The following FRK variants were observed in gnomAD, a reference collection of about 807,000 sequenced individuals.
FRK encodes tyrosine-protein kinase FRK.
FRK carries 51 observed loss-of-function variants against 56.4 expected under a neutral mutation model. That is an observed-to-expected ratio of 0.90 (90% CI 0.72 to 1.14). FRK has a LOEUF of 1.14. Among genes scored for constraint, FRK ranks in the 50% most tolerant of loss-of-function variants. The pLI is 0.00. For missense variants in FRK, 570 were observed against 601.4 expected (o/e 0.95, Z 0.55); for synonymous variants, 245 against 217.9 (o/e 1.12, Z -1.10).
intron 1 of FRK, among the ~76,000 whole-genome samples, chr6:116,041,466 C>T (rs938742058): frequency 1.3e-5 from 2 of 152,168 alleles, no homozygotes; most frequent in Non-Finnish European, 1.5e-5. Flanking sequence ...CGCAAGATGG[C>T]TGAATAGGAA....
chr6:115,978,134 G>A (rs1774054548), intron 2 of FRK, among the ~76,000 whole-genome samples: 1 of 151,952 alleles, frequency 6.6e-6, no homozygotes, highest in Admixed American at 6.6e-5. Flanking sequence ...TAAATCACCA[G>A]GAATTAACAT....
At chr6:115,949,820 G>C (rs527303) in intron 5 of FRK, among the ~76,000 whole-genome samples, 1,942 of 152,240 alleles carry the variant, frequency 0.013, 47 homozygotes, top group African/African-American at 0.044. Context: ...CATGGTAGTG[G>C]TACCAAAACA....
Position 115,942,258 on chromosome 6 carries a change from AC to A in FRK, c.*155del. The A allele has an allele frequency of 1.6e-6, 1 of 635,156 alleles. No homozygotes were observed. The highest frequency in any genetic ancestry group is 2.7e-6 in the Non-Finnish European group (1 of 367,792). The allele number at this position is 635,156 out of a possible 1,614,324, so 39.3% of individuals were successfully genotyped here. On this transcript the variant is annotated 3_prime_UTR_variant, in exon 8 of 8. Coordinates refer to ENST00000606080, the MANE Select transcript of FRK (RefSeq NM_002031.3). ...CAGTGTTGCCCAGTCAATAAAATGC[AC>A]AAATAATCTTTTTCATAATACATGG...
At position 115,993,649 on chromosome 6, in the gene FRK, C is replaced by G. The variant is rs560422554; in HGVS notation, c.466+10228G>C. Among the ~76,000 whole-genome samples, 7 of 151,996 alleles carry G rather than the reference C, an allele frequency of 4.6e-5. No individual in the cohort carries two copies. In the South Asian group the frequency reaches 1.5e-3, roughly 32 times the overall value. ...TTTATACAAATAAAAAAATTAAGGG[C>G]AAATGTAAGCATGCTTTCTTGAAAA... On this transcript the variant is annotated intron_variant, in intron 2 of 7. Transcript: ENST00000606080.
chr6:115,960,169 C>T (rs1163514398), intron 4 of FRK, among the ~76,000 whole-genome samples: 23 of 151,082 alleles, frequency 1.5e-4, no homozygotes, highest in East Asian at 5.9e-4. Flanking sequence ...AGACAGTGGG[C>T]GCAGGCCAGT....
rs537926625 is a variant in FRK, at chr6:116,011,541, C to A, written c.345-7543G>T. ...GGTCGATCAACTTGGCCTAACCAGTCATAGGGAAAGTAAGCTAGGATGATT... is the reference window on the plus strand; with the variant it reads ...GGTCGATCAACTTGGCCTAACCAGTAATAGGGAAAGTAAGCTAGGATGATT... On this transcript the variant is annotated intron_variant, in intron 1 of 7. Transcript: ENST00000606080. Among the ~76,000 whole-genome samples, 7 of 151,898 alleles carry A rather than the reference C, an allele frequency of 4.6e-5. No homozygotes were observed. In the South Asian group the frequency reaches 1.5e-3, roughly 32 times the overall value.
intron 2 of FRK, among the ~76,000 whole-genome samples, chr6:116,002,177 T>C (rs1775089233): frequency 6.6e-6 from 1 of 152,256 alleles, no homozygotes; most frequent in Non-Finnish European, 1.5e-5. Context: ...CATTGCTATA[T>C]GAAATATTCA....
intron 1 of FRK, among the ~76,000 whole-genome samples, chr6:116,051,939 T>C (rs1407492655): frequency 6.6e-6 from 1 of 152,192 alleles, no homozygotes; most frequent in Non-Finnish European, 1.5e-5. Context: ...ATTATGTATA[T>C]TGAGCATAAA....
At chr6:116,006,330 A>G (rs1538385) in intron 1 of FRK, among the ~76,000 whole-genome samples, 52,107 of 152,134 alleles carry the variant, frequency 0.34, 11,375 homozygotes, top group East Asian at 0.79. Context: ...TAAAACCACA[A>G]TGAAATACTA....
At chr6:115,953,192 T>TC (rs1772845407) in intron 5 of FRK, among the ~76,000 whole-genome samples, 1 of 121,504 alleles carries the variant, frequency 8.2e-6, no homozygotes, top group Non-Finnish European at 1.7e-5. Flanking sequence ...TTTTTTTTTT[T>TC]TTTTTTTTTT....
intron 1 of FRK, among the ~76,000 whole-genome samples, chr6:116,023,848 G>A (rs1407949259): frequency 6.6e-6 from 1 of 151,994 alleles, no homozygotes; most frequent in Non-Finnish European, 1.5e-5. Context: ...TGAAATGTAA[G>A]CTTAAAATCT....
At chr6:115,999,367 T>C (rs1774963678) in intron 2 of FRK, among the ~76,000 whole-genome samples, 1 of 152,214 alleles carries the variant, frequency 6.6e-6, no homozygotes, top group Admixed American at 6.5e-5. Flanking sequence ...GTCTTGCCAT[T>C]ATGAGAGGTG....
intron 2 of FRK, among the ~76,000 whole-genome samples, chr6:115,971,689 A>G (rs1389062182): frequency 6.6e-6 from 1 of 152,154 alleles, no homozygotes; most frequent in East Asian, 1.9e-4. Flanking sequence ...CAGTGTCTCA[A>G]TTCAAGCCTA....
intron 5 of FRK, among the ~76,000 whole-genome samples, chr6:115,951,941 TA>T (rs1772770837): frequency 1.3e-5 from 2 of 152,150 alleles, no homozygotes; most frequent in Non-Finnish European, 2.9e-5. Context: ...GAATCTTGAG[TA>T]ATGTTTTACT....
At position 115,932,654 on chromosome 6, in the gene FRK, T is replaced by C. The variant is rs186180462; in HGVS notation, c.*9760A>G. 2.6e-5 allele frequency: 4 copies of C among 152,322 alleles called. No homozygotes were observed. The highest frequency in any genetic ancestry group is 1.9e-4 in the East Asian group (1 of 5,188). 9.4% of individuals were successfully genotyped at this position (152,322 alleles called of 1,614,324 possible). A position where few individuals can be genotyped will look rare whatever the true frequency, so the allele number is the denominator to read the frequency against. On this transcript the variant is annotated 3_prime_UTR_variant, in exon 8 of 8. Transcript: ENST00000606080. ...ACACAATACCAGAAAGGCTATTTGG[T>C]TCAGAAATCATATGCTCAACCAGAC...
At chr6:116,079,414 T>C in the FRK span, among the ~76,000 whole-genome samples, 1 of 151,978 alleles carries the variant, frequency 6.6e-6, no homozygotes, top group Non-Finnish European at 1.5e-5. Flanking sequence ...GTTTTTTTTT[T>C]CAGAGTTCTT....
chr6:116,073,380 G>A, the FRK span, among the ~76,000 whole-genome samples: 2 of 152,088 alleles, frequency 1.3e-5, no homozygotes, highest in Non-Finnish European at 2.9e-5. Flanking sequence ...TAAGTGATGA[G>A]TTTCAGCAAT....
the FRK span, among the ~76,000 whole-genome samples, chr6:116,087,387 T>C: frequency 6.6e-6 from 1 of 152,262 alleles, no homozygotes; most frequent in Non-Finnish European, 1.5e-5. Flanking sequence ...GTTATATTTA[T>C]GCTACAATAT....
intron 1 of FRK, among the ~76,000 whole-genome samples, chr6:116,048,952 G>A (rs907675762): frequency 1.3e-5 from 2 of 149,596 alleles, no homozygotes; most frequent in Non-Finnish European, 3.0e-5. Flanking sequence ...CTTATTCTTG[G>A]GATTGTTCAC....
Sources: gnomAD v4.1 joint callset for allele counts (sites outside exome capture counted in the v4.1 genomes callset) on GRCh38, gnomAD v4.1.1 for gene constraint, MANE v1.5 for transcripts, NCBI Gene and HGNC (gene_info 2026-07-23, HGNC 2026-07-21) for gene names.